RRAGD: variants seen among roughly 807,000 people sequenced by gnomAD.
RRAGD encodes the protein Ras related GTP binding D, also known as ras-related GTP-binding protein D.
RRAGD carries 12 observed loss-of-function variants against 35.5 expected under a neutral mutation model. That is an observed-to-expected ratio of 0.34 (90% CI 0.22 to 0.55). The LOEUF is 0.55. RRAGD is among the 20% of genes least tolerant of loss of function. The pLI is 0.91. For missense variants in RRAGD, 324 were observed against 490.1 expected (o/e 0.66, Z 3.20); for synonymous variants, 155 against 178.9 (o/e 0.87, Z 1.07).
intron 1 of RRAGD, among the ~76,000 whole-genome samples, chr6:89,397,866 G>A (rs1167986395): frequency 6.6e-6 from 1 of 152,236 alleles, no homozygotes; most frequent in Non-Finnish European, 1.5e-5. Context: ...AAGAGGCAGG[G>A]CTGGGCACAG....
At chr6:89,382,365 G>A (rs114836784) in intron 2 of RRAGD, among the ~76,000 whole-genome samples, 216 of 143,482 alleles carry the variant, frequency 1.5e-3, no homozygotes, top group African/African-American at 5.6e-3. Context: ...GTTCAAGACC[G>A]GCCTGAACAA....
chr6:89,373,271 T>G (rs1768882188), intron 5 of RRAGD, among the ~76,000 whole-genome samples: 1 of 152,238 alleles, frequency 6.6e-6, no homozygotes, highest in Admixed American at 6.5e-5. Flanking sequence ...TTACTACCCT[T>G]GTATATTTTC....
rs5878092 is a variant in RRAGD, at chr6:89,366,525, TAAA to T, written c.*1528_*1530del. 46 of 124,602 alleles carry T rather than the reference TAAA, an allele frequency of 3.7e-4. No homozygotes were observed. The highest frequency in any genetic ancestry group is 3.3e-4 in the Admixed American group (4 of 11,950). The allele number at this position is 124,602 out of a possible 1,614,324, so 7.7% of individuals were successfully genotyped here. On this transcript the variant is annotated 3_prime_UTR_variant, in exon 7 of 7. Transcript: ENST00000369415. ...CAAGCAACAGAATGAGGCCCCCCTC[TAAA>T]AAAAAAAAAAAAAAAAGTTTCAAGT...
chr6:89,403,012 CATG>C (rs2127897528), intron 1 of RRAGD, among the ~76,000 whole-genome samples: 1 of 152,242 alleles, frequency 6.6e-6, no homozygotes, highest in African/African-American at 2.4e-5. Context: ...CATCAATGGC[CATG>C]ATGTTTCAGT....
Position 89,367,033 on chromosome 6 carries a change from A to C in RRAGD, c.*1023T>G, listed in dbSNP as rs1437711573. 6.6e-6 allele frequency: 1 copy of C among 152,214 alleles called. No individual in the cohort carries two copies. The highest frequency in any genetic ancestry group is 6.5e-5 in the Admixed American group (1 of 15,270). The allele number at this position is 152,214 out of a possible 1,614,324, so 9.4% of individuals were successfully genotyped here. A position where few individuals can be genotyped will look rare whatever the true frequency, so the allele number is the denominator to read the frequency against. On this transcript the variant is annotated 3_prime_UTR_variant, in exon 7 of 7. Transcript: ENST00000369415. ...ATGGTGGGGTTCTGCGATTTGTTCT[A>C]TTCACTATGGTCATGGAGCAATAAA... is the stretch of plus-strand genomic sequence containing the variant.
intron 2 of RRAGD, among the ~76,000 whole-genome samples, chr6:89,380,984 C>T (rs1208434109): frequency 2.0e-5 from 3 of 151,954 alleles, no homozygotes; most frequent in African/African-American, 7.3e-5. Context: ...AAGACCTTCC[C>T]CAGAATACTG....
chr6:89,394,839 C>A (rs1769303172), intron 1 of RRAGD, among the ~76,000 whole-genome samples: 1 of 151,768 alleles, frequency 6.6e-6, no homozygotes, highest in Non-Finnish European at 1.5e-5. Context: ...TTAGGAGGAT[C>A]ATGAAAAGGA....
At chr6:89,403,758 C>T (rs1226932237) in intron 1 of RRAGD, among the ~76,000 whole-genome samples, 1 of 151,702 alleles carries the variant, frequency 6.6e-6, no homozygotes, top group East Asian at 1.9e-4. Flanking sequence ...CCTCAGCCTC[C>T]CAAGTAGCGA....
intron 1 of RRAGD, among the ~76,000 whole-genome samples, chr6:89,402,351 A>C (rs1212346178): frequency 6.6e-6 from 1 of 151,992 alleles, no homozygotes; most frequent in Admixed American, 6.6e-5. Context: ...CGGCCTGGAA[A>C]TCACTAAGGA....
At chr6:89,393,594 CCTAA>C (rs1359925083) in intron 1 of RRAGD, among the ~76,000 whole-genome samples, 1 of 152,210 alleles carries the variant, frequency 6.6e-6, no homozygotes, top group East Asian at 1.9e-4. Context: ...TCTCACCTCT[CCTAA>C]CTCTCACTAC....
At chr6:89,376,405 T>C (rs926170950) in intron 5 of RRAGD, among the ~76,000 whole-genome samples, 1 of 150,952 alleles carries the variant, frequency 6.6e-6, no homozygotes, top group African/African-American at 2.4e-5. Context: ...AAGAGAAAAA[T>C]GGAGACTAGA....
chr6:89,410,037 A>T (rs372740040), intron 1 of RRAGD, among the ~76,000 whole-genome samples: 3 of 152,356 alleles, frequency 2.0e-5, no homozygotes. Context: ...TTACGTTAAC[A>T]GCTAAGGAGC....
intron 1 of RRAGD, among the ~76,000 whole-genome samples, chr6:89,408,447 A>G (rs1769628280): frequency 6.6e-6 from 1 of 152,222 alleles, no homozygotes; most frequent in Non-Finnish European, 1.5e-5. Flanking sequence ...TGAGCCCACA[A>G]GTCCGAGACC....
chr6:89,377,218 G>A (rs888913987), intron 5 of RRAGD, among the ~76,000 whole-genome samples: 4 of 152,192 alleles, frequency 2.6e-5, no homozygotes, highest in Non-Finnish European at 5.9e-5. Context: ...AGTTTGTCAG[G>A]GGGGAAATAT....
intron 1 of RRAGD, among the ~76,000 whole-genome samples, chr6:89,400,595 T>TG (rs1554204873): frequency 7.2e-6 from 1 of 138,166 alleles, no homozygotes; most frequent in Admixed American, 7.2e-5. Flanking sequence ...GGACAGGCAC[T>TG]AAAAAAAAAA....
At chr6:89,406,535 C>T (rs1173541271) in intron 1 of RRAGD, among the ~76,000 whole-genome samples, 1 of 152,186 alleles carries the variant, frequency 6.6e-6, no homozygotes, top group East Asian at 1.9e-4. Flanking sequence ...GTTGGGAGCA[C>T]ACCAGTTTGG....
At chr6:89,397,195 C>A (rs1240768734) in intron 1 of RRAGD, among the ~76,000 whole-genome samples, 2 of 152,042 alleles carry the variant, frequency 1.3e-5, no homozygotes, top group Non-Finnish European at 2.9e-5. Context: ...CTATTACATA[C>A]CCACTAAGAC....
At chr6:89,402,948 A>G (rs1335883619) in intron 1 of RRAGD, among the ~76,000 whole-genome samples, 1 of 152,156 alleles carries the variant, frequency 6.6e-6, no homozygotes, top group Non-Finnish European at 1.5e-5. Flanking sequence ...TCATCTCTCA[A>G]GGTGGTAACA....
In RRAGD at chr6:89,401,402, C is replaced by A. The variant is rs146764457; in HGVS notation, c.148+10444G>T. Among the ~76,000 whole-genome samples the A allele has an allele frequency of 3.3e-5, 5 of 152,100 alleles. No individual in the cohort carries two copies. In the East Asian group the frequency reaches 9.7e-4, roughly 29 times the overall value. On this transcript the variant is annotated intron_variant, in intron 1 of 6. Coordinates refer to ENST00000369415, the MANE Select transcript of RRAGD (RefSeq NM_021244.5). ...TCTCCTGAGTAGCTAGGATTACGGG[C>A]GCCTGACACCACACTCAGCTAATTT...
Sources: allele counts gnomAD v4.1 joint callset (sites outside exome capture counted in the v4.1 genomes callset), GRCh38; gene constraint gnomAD v4.1.1; transcripts MANE v1.5; gene names NCBI Gene and HGNC (gene_info 2026-07-23, HGNC 2026-07-21).